KDM6B: variants seen among roughly 807,000 people sequenced by gnomAD.
KDM6B encodes the protein lysine demethylase 6B, also known as lysine-specific demethylase 6B.
KDM6B carries 22 observed loss-of-function variants against 150.4 expected under a neutral mutation model. That is an observed-to-expected ratio of 0.15 (90% CI 0.10 to 0.21). The LOEUF is 0.21. Among genes scored for constraint, KDM6B ranks in the 10% least tolerant of loss-of-function variants. The pLI, the probability that KDM6B is intolerant of heterozygous loss-of-function variation, is 1.00. For missense variants in KDM6B, 1,984 were observed against 2,234.3 expected (o/e 0.89, Z 2.26); for synonymous variants, 1,148 against 921.1 (o/e 1.25, Z -4.46).
Position 7,849,655 on chromosome 17 carries a change from G to A in KDM6B, c.3367G>A (p.Val1123Met). 2 of 1,611,004 alleles carry A rather than the reference G, an allele frequency of 1.2e-6. No homozygotes were observed. The highest frequency in any genetic ancestry group is 1.7e-6 in the Non-Finnish European group (2 of 1,180,014). ...CAAGGAGACCTTTATCGCCTCTGAG[G>A]TGGAAGAGCGGCGGCTGCGCATGGC... ...GDKETFIASEVEERRLRMADL... is the reference protein window; with the variant it reads ...GDKETFIASEMEERRLRMADL... The change falls in exon 12 of 24, where the codon GTG becomes ATG. Residue 1123 changes from valine to methionine, a missense_variant. Physicochemically the swap from Val to Met is conservative, Grantham distance 21. Around this residue, in one of 13 missense-constraint regions of KDM6B, gnomAD observed 1,379 missense variants for 1,275.6 expected, o/e 1.08. Coordinates refer to ENST00000448097, the MANE Select transcript of KDM6B (RefSeq NM_001348716.2).
chr17:7,849,430 A>C lies in KDM6B; in HGVS notation c.3142A>C (p.Thr1048Pro), dbSNP rs1256301148. ...CGGGGCCTCCAAGGCCAAGCCACCC[A>C]CAGCTCCAGCCCCTCCATCAGCTCC... ...LGGASKAKPP[T>P]APAPPSAPAP... Residue 1048 changes from threonine to proline, a missense_variant, in exon 12 of 24, where the codon ACA becomes CCA. This residue lies in a region of KDM6B where 1,379 missense variants were observed against 1,275.6 expected (regional missense o/e 1.08). Transcript: ENST00000448097. The C allele has an allele frequency of 1.9e-6, 3 of 1,612,144 alleles. No homozygotes were observed. The highest frequency in any genetic ancestry group is 1.7e-6 in the Non-Finnish European group (2 of 1,179,714).
chr17:7,854,581 C>CA lies in KDM6B; in HGVS notation c.*1061dup, dbSNP rs2078773987. ...GGCCAGGGCCTCACTGGGGCAGGGA[C>CA]ACCCCGGGGTGAGTTTCTCTGGGGC... is the stretch of plus-strand genomic sequence containing the variant. On this transcript the variant is annotated 3_prime_UTR_variant, in exon 24 of 24. Coordinates refer to ENST00000448097, the MANE Select transcript of KDM6B (RefSeq NM_001348716.2). 1 of 154,820 alleles carries CA rather than the reference C, an allele frequency of 6.5e-6. No individual in the cohort carries two copies. Among genetic ancestry groups the CA allele is most frequent in the South Asian group, 1.8e-4 (1 of 5,586 alleles). 9.6% of individuals were successfully genotyped at this position (154,820 alleles called of 1,614,324 possible).
In KDM6B at chr17:7,849,641, T is replaced by A; in HGVS notation, c.3353T>A (p.Phe1118Tyr). 2.5e-6 allele frequency: 4 copies of A among 1,611,264 alleles called. No homozygotes were observed. The highest frequency in any genetic ancestry group is 3.4e-6 in the Non-Finnish European group (4 of 1,180,012). Reference protein sequence around the residue: ...IKVESGDKETFIASEVEERRL... With the variant: ...IKVESGDKETYIASEVEERRL... ...GTAGAGAGTGGTGACAAGGAGACCT[T>A]TATCGCCTCTGAGGTGGAAGAGCGG... Residue 1118 changes from phenylalanine to tyrosine, a missense_variant, in exon 12 of 24, where the codon TTT becomes TAT. Transcript: ENST00000448097.
Position 7,844,066 on chromosome 17 carries a change from C to CT in KDM6B, c.-268-835_-268-834insT, listed in dbSNP as rs982629419. 1 of 150,158 alleles carries CT rather than the reference C, an allele frequency of 6.7e-6. No individual in the cohort carries two copies. Among genetic ancestry groups the CT allele is most frequent in the African/African-American group, 2.5e-5 (1 of 40,810 alleles). 9.3% of individuals were successfully genotyped at this position (150,158 alleles called of 1,614,324 possible). On this transcript the variant is annotated intron_variant, in intron 2 of 23. Coordinates refer to ENST00000448097, the MANE Select transcript of KDM6B (RefSeq NM_001348716.2). This position sits in a 1 kb window ranked among gnomAD's most constrained non-coding sequence, Gnocchi z 5.9. ...TCCTCCCTCCCTCAGGACCCCCCCCCCCGCAGTACATTTACACACACCGCT... is the reference window on the plus strand; with the variant it reads ...TCCTCCCTCCCTCAGGACCCCCCCCCTCCGCAGTACATTTACACACACCGCT...
At position 7,843,055 on chromosome 17, in the gene KDM6B, G is replaced by A. The variant is rs550974774; in HGVS notation, c.-268-1846G>A. The stretch of plus-strand genomic sequence containing the variant: ...TGGAAGAGCAGGGAGCTGGAGGGAC[G>A]GCACTCACTGACTTAGGGAAAGCTG... On this transcript the variant is annotated intron_variant, in intron 2 of 23. Coordinates refer to ENST00000448097, the MANE Select transcript of KDM6B (RefSeq NM_001348716.2). The surrounding 1 kb of genome is among the most constrained non-coding windows in gnomAD (Gnocchi z 4.5). Among the ~76,000 whole-genome samples, 11 of 152,086 alleles carry A rather than the reference G, an allele frequency of 7.2e-5. No homozygotes were observed. The highest frequency in any genetic ancestry group is 1.5e-4 in the Non-Finnish European group (10 of 68,020).
Position 7,843,964 on chromosome 17 carries a change from A to G in KDM6B, c.-268-937A>G, listed in dbSNP as rs912472302. ...GGGGGGGCGTGAAGGAGGAAGTGAA[A>G]CGAGTTCTGGGTTCTTTAAGGGAGT... On this transcript the variant is annotated intron_variant, in intron 2 of 23. Coordinates refer to ENST00000448097, the MANE Select transcript of KDM6B (RefSeq NM_001348716.2). The surrounding 1 kb of genome is among the most constrained non-coding windows in gnomAD (Gnocchi z 4.5). 2.6e-5 allele frequency among the ~76,000 whole-genome samples: 4 copies of G among 151,556 alleles called. No individual in the cohort carries two copies. Among genetic ancestry groups the G allele is most frequent in the Non-Finnish European group, 5.9e-5 (4 of 67,860 alleles).
chr17:7,847,377 C>A lies in KDM6B; in HGVS notation c.1182C>A (p.Pro394=). The stretch of plus-strand genomic sequence containing the variant: ...CCCCTTCCCGGCCCCCTGGCCTCCC[C>A]GGCACCACCACCAGCAGCAGCAGTA... ...PYAPSRPPGL[P]GTTTSSSSSS... is the part of the protein sequence containing the mutation. The change falls in exon 11 of 24, where the codon CCC becomes CCA. Residue 394 remains proline (P), a synonymous_variant. Transcript: ENST00000448097. 1 of 1,613,144 alleles carries A rather than the reference C, an allele frequency of 6.2e-7. No homozygotes were observed. The highest frequency in any genetic ancestry group is 8.5e-7 in the Non-Finnish European group (1 of 1,179,980).
chr17:7,846,028 T>C, intron 6 of KDM6B, 50 bp from the exon 7 acceptor site: 1 of 1,585,794 alleles, frequency 6.3e-7, no homozygotes, highest in Non-Finnish European at 8.6e-7. Context: ...CTTGAAAGAG[T>C]CCCCTCAAGC....
At position 7,850,810 on chromosome 17, in the gene KDM6B, G is replaced by T. The variant is rs372603790; in HGVS notation, c.3674-211G>T. Among the ~76,000 whole-genome samples, 130 of 152,360 alleles carry T rather than the reference G, an allele frequency of 8.5e-4. 1 individual carries two copies. The South Asian group carries it at 0.025, about 29-fold the overall frequency. ...GGGCTGAGTCCTTGAGCAGCTGCAG[G>T]AGAAAGAGGGCTGGTGAGGATGCAG... is the stretch of plus-strand genomic sequence containing the variant. On this transcript the variant is annotated intron_variant, in intron 14 of 23. Coordinates refer to ENST00000448097, the MANE Select transcript of KDM6B (RefSeq NM_001348716.2).
chr17:7,844,733 C>T lies in KDM6B; in HGVS notation c.-268-168C>T, dbSNP rs1333445083. On this transcript the variant is annotated intron_variant, in intron 2 of 23. Coordinates refer to ENST00000448097, the MANE Select transcript of KDM6B (RefSeq NM_001348716.2). This position sits in a 1 kb window ranked among gnomAD's most constrained non-coding sequence, Gnocchi z 5.9. Reference sequence around the variant, plus strand: ...TCCGCATGCGTCTTGTCCTGGCTGCCTTCTGGCCCTGACGGCCGGAGTGTC... The same window carrying T: ...TCCGCATGCGTCTTGTCCTGGCTGCTTTCTGGCCCTGACGGCCGGAGTGTC... Among the ~76,000 whole-genome samples the T allele has an allele frequency of 1.3e-5, 2 of 152,190 alleles. No homozygotes were observed. The highest frequency in any genetic ancestry group is 2.4e-5 in the African/African-American group (1 of 41,436).
rs1176089752 is a variant in KDM6B, at chr17:7,847,034, GC to G, written c.909+20del. 1 of 1,612,518 alleles carries G rather than the reference GC, an allele frequency of 6.2e-7. No homozygotes were observed. Among genetic ancestry groups the G allele is most frequent in the Admixed American group, 1.7e-5 (1 of 60,012 alleles). On this transcript the variant is annotated intron_variant, in intron 10 of 23. Coordinates refer to ENST00000448097, the MANE Select transcript of KDM6B (RefSeq NM_001348716.2). ...AGCGCCAGGTGAGCCCCTGCCTGTT[GC>G]CTTTCACCTCTCACCTACAAGTCCC...
rs1260436404 is a variant in KDM6B, at chr17:7,853,206, C to G, written c.4738-4C>G. 6.2e-7 allele frequency: 1 copy of G among 1,613,322 alleles called. No homozygotes were observed. Among genetic ancestry groups the G allele is most frequent in the Non-Finnish European group, 8.5e-7 (1 of 1,179,750 alleles). On this transcript the variant is annotated splice_region_variant and splice_polypyrimidine_tract_variant and intron_variant, in intron 22 of 23. Coordinates refer to ENST00000448097, the MANE Select transcript of KDM6B (RefSeq NM_001348716.2). ...CCCTGACTGCACTGTCCTCCCTGCCCCAGGTGGAGGTGTTTAACATCCTGT... is the reference window on the plus strand; with the variant it reads ...CCCTGACTGCACTGTCCTCCCTGCCGCAGGTGGAGGTGTTTAACATCCTGT...
chr17:7,841,118 G>A (rs1230956284), intron 2 of KDM6B, among the ~76,000 whole-genome samples: 1 of 152,142 alleles, frequency 6.6e-6, no homozygotes, highest in Non-Finnish European at 1.5e-5. Context: ...GTAAAATGGG[G>A]GTAATCAGAG....
chr17:7,834,377 T>C (rs1281919033), intron 1 of KDM6B, among the ~76,000 whole-genome samples, 27 bp downstream of exon 1: 1 of 151,886 alleles, frequency 6.6e-6, no homozygotes, highest in Non-Finnish European at 1.5e-5. Context: ...AGGACGTCTG[T>C]AAAGAGGGAA....
chr17:7,851,096 A>G lies in KDM6B; in HGVS notation c.3749A>G (p.Gln1250Arg), dbSNP rs753566155. Residue 1250 changes from glutamine (Q) to arginine (R), a missense_variant, in exon 15 of 24, where the codon CAG (glutamine) becomes CGG (arginine). By Grantham distance (43) the Gln-to-Arg change is conservative. Coordinates refer to ENST00000448097, the MANE Select transcript of KDM6B (RefSeq NM_001348716.2). ...ACCGTGGAAGTTCGCACCCAGGTGC[A>G]GCAGCCCTCAGATGAGAACTGGGAT... ...EHTVEVRTQV[Q>R]QPSDENWDLT... The G allele has an allele frequency of 3.7e-6, 6 of 1,613,666 alleles. No individual in the cohort carries two copies. The highest frequency in any genetic ancestry group is 1.1e-5 in the South Asian group (1 of 91,082).
rs774069212 is a variant in KDM6B at position 7,843,549 on chromosome 17, C to T, written c.-268-1352C>T. On this transcript the variant is annotated intron_variant, in intron 2 of 23. Coordinates refer to ENST00000448097, the MANE Select transcript of KDM6B (RefSeq NM_001348716.2). This position sits in a 1 kb window ranked among gnomAD's most constrained non-coding sequence, Gnocchi z 4.5. ...CTCTTTTCACCAGAAACCCGTCTGCCCTTGTGGGCTGGGTGGAAATTTCCC... is the reference window on the plus strand; with the variant it reads ...CTCTTTTCACCAGAAACCCGTCTGCTCTTGTGGGCTGGGTGGAAATTTCCC... Among the ~76,000 whole-genome samples the T allele has an allele frequency of 2.8e-4, 42 of 152,178 alleles. 1 individual carries two copies. Among genetic ancestry groups the T allele is most frequent in the Non-Finnish European group, 5.9e-5 (4 of 68,020 alleles).
chr17:7,841,180 C>T (rs1436492930), intron 2 of KDM6B, among the ~76,000 whole-genome samples: 1 of 152,182 alleles, frequency 6.6e-6, no homozygotes, highest in Non-Finnish European at 1.5e-5. Context: ...TTGTAAAATA[C>T]TTAATACAGT....
Position 7,847,210 on chromosome 17 carries a change from C to A in KDM6B, c.1015C>A (p.Pro339Thr), listed in dbSNP as rs749209095. ...CCCGGCTGCTCCCCCAGGCCCAGGC[C>A]CCCGCCCCCCAGGAGCAGAGAGCCA... Reference protein sequence around the residue: ...LVPAAPPGPGPRPPGAESHGC... With the variant: ...LVPAAPPGPGTRPPGAESHGC... The change falls in exon 11 of 24, where the codon CCC (proline) becomes ACC (threonine). Residue 339 changes from proline to threonine, a missense_variant. This residue lies in a region of KDM6B where 1,379 missense variants were observed against 1,275.6 expected (regional missense o/e 1.08). Transcript: ENST00000448097. 2.7e-5 allele frequency: 43 copies of A among 1,596,860 alleles called. No individual in the cohort carries two copies. Among genetic ancestry groups the A allele is most frequent in the Middle Eastern group, 1.7e-4 (1 of 6,046 alleles).
In KDM6B at chr17:7,844,989, A is replaced by G. The variant is rs553956715; in HGVS notation, c.-180A>G. On this transcript the variant is annotated 5_prime_UTR_variant, in exon 3 of 24. Coordinates refer to ENST00000448097, the MANE Select transcript of KDM6B (RefSeq NM_001348716.2). The surrounding 1 kb of genome is among the most constrained non-coding windows in gnomAD (Gnocchi z 5.9). ...TTGGCCAGATCTCTGGAGCTTGCCG[A>G]CGCGGTGTGAGGACGCTCCCACGGA... is the stretch of plus-strand genomic sequence containing the variant. 1.1e-5 allele frequency: 2 copies of G among 184,284 alleles called. No individual in the cohort carries two copies. Among genetic ancestry groups the G allele is most frequent in the African/African-American group, 2.4e-5 (1 of 42,224 alleles). 11.4% of individuals were successfully genotyped at this position (184,284 alleles called of 1,614,324 possible).
Sources: allele counts gnomAD v4.1 joint callset (sites outside exome capture counted in the v4.1 genomes callset), GRCh38; gene constraint gnomAD v4.1.1; regional missense constraint gnomAD v4.1.1; non-coding constraint Gnocchi (gnomAD v3.1); transcripts MANE v1.5; gene names NCBI Gene and HGNC (gene_info 2026-07-23, HGNC 2026-07-21).